Variants in FCF1 observed in about 807,000 individuals in gnomAD.
FCF1 encodes the protein rRNA-processing protein FCF1 homolog.
A neutral mutation model predicts 32.5 loss-of-function variants in FCF1; 17 were observed. The ratio of observed to expected loss-of-function variants is 0.52; its 90% CI spans 0.36 to 0.78. FCF1 has a LOEUF of 0.78. Among genes scored for constraint, FCF1 ranks in the 30% least tolerant of loss-of-function variants. FCF1 has a pLI of 0.00. For missense variants in FCF1, 201 were observed against 241.1 expected, an observed-to-expected ratio of 0.83 and a Z score of 1.10; for synonymous variants, 84 against 78.4, an observed-to-expected ratio of 1.07 and a Z score of -0.38.
At chr14:74,715,876 A>C in intron 3 of FCF1, 75 bp from the exon 4 acceptor site, 1 of 1,607,188 alleles carries the variant, frequency 6.2e-7, no homozygotes, top group Non-Finnish European at 8.5e-7. Context: ...TCCCAAGCAG[A>C]CTTCTTTTTT....
At chr14:74,718,804 A>T (rs1465062125) in intron 4 of FCF1, among the ~76,000 whole-genome samples, 1 of 151,944 alleles carries the variant, frequency 6.6e-6, no homozygotes, top group African/African-American at 2.4e-5. Flanking sequence ...ATTCTAGCAT[A>T]AAAAAATGGA....
chr14:74,722,267 C>G (rs1422954987), intron 4 of FCF1, among the ~76,000 whole-genome samples: 1 of 151,918 alleles, frequency 6.6e-6, no homozygotes, highest in Non-Finnish European at 1.5e-5. Flanking sequence ...AGGCTGGTCT[C>G]GAACTCCTGA....
chr14:74,719,984 C>A (rs2090478562), intron 4 of FCF1, among the ~76,000 whole-genome samples: 2 of 151,520 alleles, frequency 1.3e-5, no homozygotes, highest in African/African-American at 4.8e-5. Flanking sequence ...ACTAAAAATC[C>A]AAAAAAAATT....
At chr14:74,721,785 A>T (rs966840163) in intron 4 of FCF1, among the ~76,000 whole-genome samples, 2 of 152,142 alleles carry the variant, frequency 1.3e-5, no homozygotes, top group African/African-American at 4.8e-5. Flanking sequence ...TAAATACATA[A>T]TTTTTTAAAC....
rs541547028 is a variant in FCF1, at chr14:74,716,891, C to T, written c.292+792C>T. On this transcript the variant is annotated intron_variant, in intron 4 of 7. Transcript: ENST00000341162. ...CTCCCTTTTTAAGTTTTAAAGGCTACTATATAATGAACAACAGTTGCAGAG... is the reference window on the plus strand; with the variant it reads ...CTCCCTTTTTAAGTTTTAAAGGCTATTATATAATGAACAACAGTTGCAGAG... Among the ~76,000 whole-genome samples, 7 of 152,178 alleles carry T rather than the reference C, an allele frequency of 4.6e-5. No individual in the cohort carries two copies. The East Asian group carries it at 1.3e-3, about 29-fold the overall frequency.
Position 74,734,165 on chromosome 14 carries a change from C to G in FCF1, c.543C>G (p.Asn181Lys), listed in dbSNP as rs2140041700. 1.2e-6 allele frequency: 2 copies of G among 1,602,996 alleles called. No homozygotes were observed. Among genetic ancestry groups the G allele is most frequent in the African/African-American group, 2.7e-5 (2 of 74,722 alleles). Residue 181 changes from asparagine (N) to lysine (K), a missense_variant, in exon 7 of 8, where the codon AAC becomes AAG. Asn to Lys is a moderately conservative substitution (Grantham distance 94). Coordinates refer to ENST00000341162, the MANE Select transcript of FCF1 (RefSeq NM_015962.5). ...IPGVPIMYIS[N>K]HRYNIERMPD... is the part of the protein sequence containing the mutation. Reference sequence around the variant, plus strand: ...GAGTTCCTATCATGTACATTTCTAACCATAGGTGAGAAATTTCCCTTGGAG... The same window carrying G: ...GAGTTCCTATCATGTACATTTCTAAGCATAGGTGAGAAATTTCCCTTGGAG...
chr14:74,716,004 C>G lies in FCF1; in HGVS notation c.197C>G (p.Pro66Arg), dbSNP rs367557939. The change falls in exon 4 of 8, where the codon CCT becomes CGT. Residue 66 changes from proline (P) to arginine (R), a missense_variant. By Grantham distance (103) the Pro-to-Arg change is moderately radical. Around this residue, in one of 3 missense-constraint regions of FCF1, gnomAD observed 76 missense variants for 75.0 expected, o/e 1.01. Coordinates refer to ENST00000341162, the MANE Select transcript of FCF1 (RefSeq NM_015962.5). Reference protein sequence around the residue: ...FFQYNTQLGPPYHILVDTNFI... With the variant: ...FFQYNTQLGPRYHILVDTNFI... ...CAATATAATACACAGCTGGGCCCAC[C>G]TTACCACATCCTCGTTGATACCAAC... The G allele has an allele frequency of 1.2e-6, 2 of 1,613,960 alleles. No individual in the cohort carries two copies. Among genetic ancestry groups the G allele is most frequent in the Non-Finnish European group, 1.7e-6 (2 of 1,179,862 alleles).
intron 5 of FCF1, among the ~76,000 whole-genome samples, chr14:74,725,111 G>A (rs745931405): frequency 6.6e-5 from 10 of 151,666 alleles, no homozygotes; most frequent in South Asian, 2.1e-4. Context: ...GAGAAGTTCA[G>A]CTACTATTGG....
At position 74,723,238 on chromosome 14, in the gene FCF1, T is replaced by G. The variant is rs1177954621; in HGVS notation, c.293-34T>G. On this transcript the variant is annotated intron_variant, in intron 4 of 7. Transcript: ENST00000341162. ...AATTCAGAGATAATTTCGTTACAAG[T>G]TCTGTTCTTAATGTGAATTTTTTTC... 11 of 1,511,946 alleles carry G rather than the reference T, an allele frequency of 7.3e-6. No individual in the cohort carries two copies. The Admixed American group carries it at 1.5e-4, about 21-fold the overall frequency. 93.7% of individuals were successfully genotyped at this position (1,511,946 alleles called of 1,614,324 possible). A position where few individuals can be genotyped will look rare whatever the true frequency, so the allele number is the denominator to read the frequency against.
intron 6 of FCF1, among the ~76,000 whole-genome samples, chr14:74,733,204 G>A (rs987952038): frequency 4.6e-5 from 7 of 152,124 alleles, no homozygotes; most frequent in African/African-American, 1.7e-4. Flanking sequence ...TCCTCTTCAC[G>A]ATGCCTAATC....
At chr14:74,723,121 C>G (rs765967091) in intron 4 of FCF1, 151 bp from the exon 5 acceptor site, 78 of 586,730 alleles carry the variant, frequency 1.3e-4, no homozygotes, top group Non-Finnish European at 2.1e-4. Context: ...GGGTTTTCTT[C>G]TACTCTAGTT....
intron 4 of FCF1, among the ~76,000 whole-genome samples, chr14:74,719,631 G>A (rs1454171742): frequency 6.7e-6 from 1 of 150,336 alleles, no homozygotes; most frequent in Non-Finnish European, 1.5e-5. Context: ...TGAGCATGGT[G>A]GAGCATGTCT....
chr14:74,717,247 T>C (rs1036603101), intron 4 of FCF1, among the ~76,000 whole-genome samples: 1 of 151,984 alleles, frequency 6.6e-6, no homozygotes, highest in Non-Finnish European at 1.5e-5. Context: ...TCCCAGCTAC[T>C]TGGGAGGCTG....
At chr14:74,725,987 A>G (rs191788248) in intron 5 of FCF1, among the ~76,000 whole-genome samples, 48 of 149,844 alleles carry the variant, frequency 3.2e-4, no homozygotes, top group Non-Finnish European at 5.6e-4. Flanking sequence ...GCCTCTACGG[A>G]GTTCAAGGTT....
chr14:74,713,181 A>G lies in FCF1; in HGVS notation c.-17A>G. On this transcript the variant is annotated 5_prime_UTR_variant, in exon 1 of 8. Coordinates refer to ENST00000341162, the MANE Select transcript of FCF1 (RefSeq NM_015962.5). ...CGCCGTTGGTGATTACGGAAGAACC[A>G]GGAGTTTGGCGTGACCATGGTGAGA... 1 of 1,614,234 alleles carries G rather than the reference A, an allele frequency of 6.2e-7. No individual in the cohort carries two copies. The highest frequency in any genetic ancestry group is 8.5e-7 in the Non-Finnish European group (1 of 1,180,050).
chr14:74,732,151 ATAT>A (rs1045702931), intron 5 of FCF1, among the ~76,000 whole-genome samples: 1 of 141,752 alleles, frequency 7.1e-6, no homozygotes, highest in African/African-American at 2.6e-5. Flanking sequence ...TAATTAAATC[ATAT>A]TATATATATA....
chr14:74,715,027 T>A, intron 3 of FCF1, 84 bp downstream of exon 3: 1 of 1,368,870 alleles, frequency 7.3e-7, no homozygotes, highest in Non-Finnish European at 9.9e-7. Flanking sequence ...GTTTGCTAAC[T>A]TATTTGTTAG....
At chr14:74,717,967 C>T (rs1248180859) in intron 4 of FCF1, among the ~76,000 whole-genome samples, 1 of 152,160 alleles carries the variant, frequency 6.6e-6, no homozygotes, top group Admixed American at 6.5e-5. Flanking sequence ...CTCCGCCTCC[C>T]AGGTTCAAGC....
intron 4 of FCF1, among the ~76,000 whole-genome samples, chr14:74,716,754 C>T (rs188553201): frequency 8.6e-4 from 131 of 152,172 alleles, no homozygotes; most frequent in Admixed American, 1.5e-3. Context: ...CCATTTGTAG[C>T]GGGTTTATAT....
Sources: allele counts gnomAD v4.1 joint callset (sites outside exome capture counted in the v4.1 genomes callset), GRCh38; gene constraint gnomAD v4.1.1; regional missense constraint gnomAD v4.1.1; transcripts MANE v1.5; gene names NCBI Gene and HGNC (gene_info 2026-07-23, HGNC 2026-07-21).